Variants in RAP1A observed in about 807,000 individuals in gnomAD.
The protein encoded by RAP1A is RAP1A, member of RAS oncogene family, also known as ras-related protein Rap-1A.
Under a neutral mutation model 26.4 loss-of-function variants are expected in RAP1A, and 6 were observed. The ratio of observed to expected loss-of-function variants is 0.23; its 90% confidence interval spans 0.12 to 0.45. The LOEUF is 0.45. Ranked by LOEUF, RAP1A falls within the 20% of genes least tolerant of loss-of-function variation. The pLI, the probability that RAP1A is intolerant of heterozygous loss-of-function variation, is 0.99. For missense variants in RAP1A, 121 were observed against 217.2 expected (o/e 0.56, Z 2.78); for synonymous variants, 73 against 79.4 (o/e 0.92, Z 0.43).
At chr1:111,683,393 A>G (rs1661367806) in intron 1 of RAP1A, among the ~76,000 whole-genome samples, 1 of 152,134 alleles carries the variant, frequency 6.6e-6, no homozygotes, top group African/African-American at 2.4e-5. Context: ...TGGTTTTTTT[A>G]AAAGATTAAC....
intron 1 of RAP1A, among the ~76,000 whole-genome samples, chr1:111,625,838 T>G (rs1260568164): frequency 1.3e-5 from 2 of 152,128 alleles, no homozygotes; most frequent in East Asian, 3.8e-4. Context: ...CACAGAGTCT[T>G]GCTATATCAC....
chr1:111,652,231 C>T (rs1258931821), intron 1 of RAP1A, among the ~76,000 whole-genome samples: 3 of 152,214 alleles, frequency 2.0e-5, no homozygotes, highest in Admixed American at 6.5e-5. Flanking sequence ...ACCTTAGCCT[C>T]GCAAAGTGCT....
intron 1 of RAP1A, among the ~76,000 whole-genome samples, chr1:111,555,263 G>C (rs1657437036): frequency 6.8e-6 from 1 of 147,786 alleles, no homozygotes; most frequent in South Asian, 2.1e-4. Flanking sequence ...CTATTCAGGA[G>C]ACTGAGGCAC....
At chr1:111,579,068 G>T (rs1658199983) in intron 1 of RAP1A, among the ~76,000 whole-genome samples, 1 of 152,200 alleles carries the variant, frequency 6.6e-6, no homozygotes, top group Non-Finnish European at 1.5e-5. Context: ...GTGTCTAGGT[G>T]AGCCACCCTC....
At chr1:111,692,333 TAAA>T (rs1360273061) in intron 2 of RAP1A, among the ~76,000 whole-genome samples, 1 of 152,096 alleles carries the variant, frequency 6.6e-6, no homozygotes, top group African/African-American at 2.4e-5. Flanking sequence ...GTTGAAGTAA[TAAA>T]AAAGAGAGGC....
intron 6 of RAP1A, among the ~76,000 whole-genome samples, chr1:111,705,636 TG>T (rs1662166140): frequency 6.6e-6 from 1 of 152,234 alleles, no homozygotes; most frequent in African/African-American, 2.4e-5. Flanking sequence ...GACTATTGTG[TG>T]TCTGGCACTG....
chr1:111,573,069 G>A (rs766293947), intron 1 of RAP1A, among the ~76,000 whole-genome samples: 3 of 152,174 alleles, frequency 2.0e-5, no homozygotes, highest in Non-Finnish European at 4.4e-5. Flanking sequence ...TTCCTGCAAA[G>A]GACATGATCT....
At chr1:111,633,512 G>A (rs1659636977) in intron 1 of RAP1A, among the ~76,000 whole-genome samples, 1 of 152,140 alleles carries the variant, frequency 6.6e-6, no homozygotes, top group South Asian at 2.1e-4. Context: ...TGCATGTTTA[G>A]ATTTTCATAT....
At chr1:111,652,723 T>C (rs1202795750) in intron 1 of RAP1A, among the ~76,000 whole-genome samples, 1 of 152,030 alleles carries the variant, frequency 6.6e-6, no homozygotes, top group Non-Finnish European at 1.5e-5. Flanking sequence ...CAATAACAAG[T>C]GTTGGCCAGG....
At chr1:111,578,938 C>T (rs1035391755) in intron 1 of RAP1A, among the ~76,000 whole-genome samples, 14 of 152,176 alleles carry the variant, frequency 9.2e-5, no homozygotes, top group African/African-American at 3.1e-4. Context: ...AAACATTTAC[C>T]AGCTTATTAA....
intron 1 of RAP1A, among the ~76,000 whole-genome samples, chr1:111,546,868 A>T (rs867627102): frequency 2.6e-5 from 4 of 152,304 alleles, no homozygotes; most frequent in Middle Eastern, 3.4e-3. Flanking sequence ...CAGTGGCTGC[A>T]CCAGTTTACA....
chr1:111,623,516 C>T (rs1659287161), intron 1 of RAP1A, among the ~76,000 whole-genome samples: 1 of 152,148 alleles, frequency 6.6e-6, no homozygotes, highest in South Asian at 2.1e-4. Context: ...AAGGGATTCT[C>T]CTGCCTTAGC....
chr1:111,571,692 G>A (rs967040664), intron 1 of RAP1A, among the ~76,000 whole-genome samples: 3 of 152,158 alleles, frequency 2.0e-5, no homozygotes, highest in Non-Finnish European at 4.4e-5. Flanking sequence ...AGCCTGATGA[G>A]GGGCTAAAAA....
chr1:111,573,803 T>C (rs1226852656), intron 1 of RAP1A, among the ~76,000 whole-genome samples: 4 of 152,166 alleles, frequency 2.6e-5, no homozygotes, highest in Admixed American at 6.5e-5. Flanking sequence ...CATTTTTTAA[T>C]GGTTTTTTTT....
chr1:111,646,917 C>T (rs1464158639), intron 1 of RAP1A, among the ~76,000 whole-genome samples: 1 of 152,136 alleles, frequency 6.6e-6, no homozygotes, highest in East Asian at 1.9e-4. Flanking sequence ...TTTTGTTACC[C>T]AAGATAACAT....
chr1:111,552,190 T>C (rs1212519711), intron 1 of RAP1A, among the ~76,000 whole-genome samples: 1 of 152,206 alleles, frequency 6.6e-6, no homozygotes, highest in African/African-American at 2.4e-5. Context: ...TTTGAGCCCA[T>C]CTCTTAGGGA....
chr1:111,611,586 T>C (rs1408486992), intron 1 of RAP1A, among the ~76,000 whole-genome samples: 1 of 152,256 alleles, frequency 6.6e-6, no homozygotes, highest in East Asian at 1.9e-4. Flanking sequence ...ACATTGTAAA[T>C]TTTTAAATGT....
intron 1 of RAP1A, among the ~76,000 whole-genome samples, chr1:111,558,773 CA>C (rs1022871546): frequency 6.6e-6 from 1 of 151,992 alleles, no homozygotes; most frequent in Admixed American, 6.6e-5. Flanking sequence ...GACAAACTTA[CA>C]AAAAAATTGA....
chr1:111,571,222 G>A (rs1474485794), intron 1 of RAP1A, among the ~76,000 whole-genome samples: 3 of 152,208 alleles, frequency 2.0e-5, no homozygotes, highest in Non-Finnish European at 4.4e-5. Flanking sequence ...TGGAAGAGAT[G>A]TCTGGGGCAC....
Sources: allele counts gnomAD v4.1 joint callset (sites outside exome capture counted in the v4.1 genomes callset), GRCh38; gene constraint gnomAD v4.1.1; transcripts MANE v1.5; gene names NCBI Gene and HGNC (gene_info 2026-07-23, HGNC 2026-07-21).